The following CNBD1 variants were observed in gnomAD, a reference collection of about 807,000 sequenced individuals.
The protein encoded by CNBD1 is cyclic nucleotide-binding domain-containing protein 1.
CNBD1 carries 71 observed loss-of-function variants against 54.4 expected under a neutral mutation model. The ratio of observed to expected loss-of-function variants is 1.30; its 90% CI spans 1.08 to 1.59. The LOEUF (loss-of-function observed/expected upper bound fraction) is 1.59. Ranked by LOEUF, CNBD1 falls within the 40% of genes most tolerant of loss-of-function variation. The pLI is 0.00. For synonymous variants in CNBD1, 182 were observed against 170.7 expected (o/e 1.07, Z -0.51); for missense variants, 659 against 518.0 (o/e 1.27, Z -2.64).
intron 2 of CNBD1, among the ~76,000 whole-genome samples, chr8:87,389,221 A>T (rs138665409): frequency 6.6e-6 from 1 of 152,138 alleles, no homozygotes; most frequent in Admixed American, 6.5e-5. Flanking sequence ...CACCGCTGCT[A>T]TTCAACATAG....
At chr8:87,377,921 T>C (rs975297687) in intron 10 of CNBD1, among the ~76,000 whole-genome samples, 197 of 150,064 alleles carry the variant, frequency 1.3e-3, no homozygotes, top group African/African-American at 4.6e-3. Flanking sequence ...GAGCATTTTT[T>C]CATGTGTTTT....
intron 6 of CNBD1, among the ~76,000 whole-genome samples, chr8:87,270,142 G>T (rs532926497): frequency 1.4e-4 from 22 of 151,876 alleles, no homozygotes; most frequent in Admixed American, 1.1e-3. Flanking sequence ...CACATAAATA[G>T]AATTAATAAT....
chr8:86,876,979 A>AGG (rs1808529818), intron 1 of CNBD1, among the ~76,000 whole-genome samples: 2 of 152,204 alleles, frequency 1.3e-5, no homozygotes, highest in East Asian at 3.9e-4. Context: ...GTTTGATTCT[A>AGG]TACCTAAATC....
rs114931379 is a variant in CNBD1 at position 87,365,656 on chromosome 8, C to G, written c.1303+11870C>G. On this transcript the variant is annotated intron_variant, in intron 10 of 10. Coordinates refer to ENST00000518476, the MANE Select transcript of CNBD1 (RefSeq NM_173538.3). ...AAGTAGATTTATTTGTTATTGGTAA[C>G]AATAATCTCACACAATTTTGATGTA... Among the ~76,000 whole-genome samples, 591 of 152,024 alleles carry G rather than the reference C, an allele frequency of 3.9e-3. 8 individuals carry two copies. The highest frequency in any genetic ancestry group is 0.013 in the African/African-American group (557 of 41,526).
At chr8:87,352,494 A>C (rs1239806993) in intron 9 of CNBD1, among the ~76,000 whole-genome samples, 3 of 151,584 alleles carry the variant, frequency 2.0e-5, no homozygotes, top group Non-Finnish European at 4.4e-5. Flanking sequence ...AAAAAAAAAA[A>C]AACTTATATG....
At position 87,166,172 on chromosome 8, in the gene CNBD1, G is replaced by A. The variant is rs1180146480; in HGVS notation, c.432-39821G>A. On this transcript the variant is annotated intron_variant, in intron 4 of 10. Transcript: ENST00000518476. The surrounding 1 kb of genome is among the most constrained non-coding windows in gnomAD (Gnocchi z 4.3). ...TTTCCCTTCCTCTCTCTCAATAAATGAGACTAGGAATTATCCAGATGAGTA... is the reference window on the plus strand; with the variant it reads ...TTTCCCTTCCTCTCTCTCAATAAATAAGACTAGGAATTATCCAGATGAGTA... 6.6e-6 allele frequency among the ~76,000 whole-genome samples: 1 copy of A among 151,968 alleles called. No homozygotes were observed. The highest frequency in any genetic ancestry group is 1.9e-4 in the East Asian group (1 of 5,154).
intron 2 of CNBD1, among the ~76,000 whole-genome samples, chr8:87,412,995 C>A (rs1034215651): frequency 1.3e-5 from 2 of 151,976 alleles, no homozygotes; most frequent in Non-Finnish European, 2.9e-5. Context: ...TAATTGATAT[C>A]TTCAGGGCGA....
chr8:86,897,165 T>C (rs1808858717), intron 2 of CNBD1, among the ~76,000 whole-genome samples: 1 of 152,210 alleles, frequency 6.6e-6, no homozygotes, highest in Non-Finnish European at 1.5e-5. Flanking sequence ...TTGAAATGCT[T>C]AGTAATTTTT....
At chr8:87,175,497 A>G (rs1169581823) in intron 4 of CNBD1, among the ~76,000 whole-genome samples, 1 of 152,152 alleles carries the variant, frequency 6.6e-6, no homozygotes, top group African/African-American at 2.4e-5. Context: ...CCTTCGAGGC[A>G]AGAAGTTCCC....
intron 2 of CNBD1, among the ~76,000 whole-genome samples, chr8:87,400,735 C>A (rs879658411): frequency 2.6e-5 from 4 of 151,730 alleles, no homozygotes; most frequent in South Asian, 2.1e-4. Flanking sequence ...CAGAAGAATT[C>A]TCAAAGGAAA....
At chr8:87,402,907 C>A (rs1190256004) in intron 2 of CNBD1, among the ~76,000 whole-genome samples, 1 of 152,038 alleles carries the variant, frequency 6.6e-6, no homozygotes, top group Non-Finnish European at 1.5e-5. Flanking sequence ...AATGGAGCTA[C>A]TGCTGTACAA....
intron 10 of CNBD1, among the ~76,000 whole-genome samples, chr8:87,356,276 T>TGAA (rs1360982298): frequency 1.3e-5 from 2 of 152,144 alleles, no homozygotes; most frequent in Non-Finnish European, 2.9e-5. Flanking sequence ...TGGAAGAGTT[T>TGAA]GAAAGTCTCA....
intron 5 of CNBD1, among the ~76,000 whole-genome samples, chr8:87,228,440 T>A (rs1814566121): frequency 6.7e-6 from 1 of 148,918 alleles, no homozygotes; most frequent in South Asian, 2.1e-4. Context: ...CCTTTCTGTT[T>A]GTTAGTTTTC....
chr8:86,962,237 G>A (rs965315850), intron 4 of CNBD1, among the ~76,000 whole-genome samples: 2 of 152,208 alleles, frequency 1.3e-5, no homozygotes, highest in East Asian at 3.9e-4. Context: ...TAATTCAGTC[G>A]ACTGATAAAA....
chr8:87,064,019 A>T (rs1423805528), intron 4 of CNBD1, among the ~76,000 whole-genome samples: 2 of 151,956 alleles, frequency 1.3e-5, no homozygotes, highest in Non-Finnish European at 2.9e-5. Flanking sequence ...GGTTTCTCTT[A>T]TATACAATCA....
chr8:87,143,242 G>A (rs565866843), intron 4 of CNBD1, among the ~76,000 whole-genome samples: 1 of 152,196 alleles, frequency 6.6e-6, no homozygotes, highest in South Asian at 2.1e-4. Context: ...TCTACAGTAT[G>A]CCAAGGGATG....
intron 10 of CNBD1, among the ~76,000 whole-genome samples, chr8:87,378,484 G>T (rs952431305): frequency 1.3e-5 from 2 of 151,026 alleles, no homozygotes; most frequent in African/African-American, 4.9e-5. Flanking sequence ...CATTATTTCT[G>T]AGGGCTCCAT....
intron 1 of CNBD1, among the ~76,000 whole-genome samples, chr8:86,867,009 T>C (rs1237233292): frequency 6.6e-6 from 1 of 152,186 alleles, no homozygotes; most frequent in African/African-American, 2.4e-5. Context: ...CTCATTTCAA[T>C]TTGACAAGGA....
intron 2 of CNBD1, among the ~76,000 whole-genome samples, chr8:87,400,441 T>G (rs9692956): frequency 0.57 from 85,940 of 151,792 alleles, 25,838 homozygotes; most frequent in African/African-American, 0.77. Context: ...GTTAAATTAT[T>G]ACATTCTACA....
Sources: gnomAD v4.1 joint callset for allele counts (sites outside exome capture counted in the v4.1 genomes callset) on GRCh38, gnomAD v4.1.1 for gene constraint, Gnocchi (gnomAD v3.1) non-coding constraint, MANE v1.5 for transcripts, NCBI Gene and HGNC (gene_info 2026-07-23, HGNC 2026-07-21) for gene names.